Variants in CHIC1 observed in about 807,000 individuals in gnomAD.
CHIC1 encodes the protein cysteine rich hydrophobic domain 1.
Under a neutral mutation model 18.5 loss-of-function variants are expected in CHIC1, and 7 were observed. The ratio of observed to expected loss-of-function variants is 0.38; its 90% confidence interval spans 0.22 to 0.71. The LOEUF is 0.71. CHIC1 is among the 30% of genes least tolerant of loss of function. The pLI is 0.49. For missense variants in CHIC1, 159 were observed against 176.9 expected (o/e 0.90, Z 0.57); for synonymous variants, 77 against 73.5 (o/e 1.05, Z -0.25).
intron 3 of CHIC1, among the ~76,000 whole-genome samples, chrX:73,598,629 A>G (rs2057624458): frequency 9.3e-6 from 1 of 107,747 alleles, no homozygotes; most frequent in Non-Finnish European, 1.9e-5. Flanking sequence ...ATGCTTTCCA[A>G]TTTCATCCAT....
At chrX:73,605,090 A>G (rs917669216) in intron 3 of CHIC1, among the ~76,000 whole-genome samples, 2 of 108,060 alleles carry the variant, frequency 1.9e-5, no homozygotes, top group Non-Finnish European at 3.8e-5. Context: ...TCTAATATTG[A>G]CAGTGGGGTG....
chrX:73,642,295 T>C (rs1161916244), intron 3 of CHIC1, among the ~76,000 whole-genome samples: 1 of 111,491 alleles, frequency 9.0e-6, no homozygotes, highest in Non-Finnish European at 1.9e-5. Context: ...TTTCATGTGT[T>C]TTTTGGCTGC....
chrX:73,565,998 G>A (rs1421108233), intron 1 of CHIC1, among the ~76,000 whole-genome samples: 1 of 110,489 alleles, frequency 9.1e-6, no homozygotes, highest in Non-Finnish European at 1.9e-5. Flanking sequence ...CACATTGCCC[G>A]TGCTTTTCAT....
In CHIC1 at chrX:73,685,623, G is replaced by A. The variant is rs945594767; in HGVS notation, c.*4618G>A. ...CCTCACGTCCTCATTGTCGAAGTGG[G>A]GACAATAATCTGGACCTACCTCACA... On this transcript the variant is annotated 3_prime_UTR_variant, in exon 6 of 6. Coordinates refer to ENST00000373502, the MANE Select transcript of CHIC1 (RefSeq NM_001039840.4). 32 of 111,109 alleles carry A rather than the reference G, an allele frequency of 2.9e-4. No individual in the cohort carries two copies. The highest frequency in any genetic ancestry group is 1.0e-3 in the African/African-American group (31 of 30,680). 9.2% of individuals were successfully genotyped at this position (111,109 alleles called of 1,213,427 possible). A position where few individuals can be genotyped will look rare whatever the true frequency, so the allele number is the denominator to read the frequency against.
chrX:73,637,360 G>A (rs970731505), intron 3 of CHIC1, among the ~76,000 whole-genome samples: 1 of 107,203 alleles, frequency 9.3e-6, no homozygotes, highest in African/African-American at 3.4e-5. Context: ...GGTCTCTTTG[G>A]ATTTATCACA....
intron 3 of CHIC1, among the ~76,000 whole-genome samples, chrX:73,617,657 A>G (rs946726953): frequency 9.0e-6 from 1 of 111,536 alleles, no homozygotes; most frequent in Non-Finnish European, 1.9e-5. Flanking sequence ...ACCAAGCAAA[A>G]TGGATTTCCC....
chrX:73,579,442 A>G lies in CHIC1; in HGVS notation c.351+1981A>G, dbSNP rs2057515942. On this transcript the variant is annotated intron_variant, in intron 2 of 5. Coordinates refer to ENST00000373502, the MANE Select transcript of CHIC1 (RefSeq NM_001039840.4). ...TTTCACCCTGGTTGCTTTTCATTCT[A>G]CTCACTGGCTTTCAATTTTTCATTG... Among the ~76,000 whole-genome samples, 3 of 110,349 alleles carry G rather than the reference A, an allele frequency of 2.7e-5. No individual in the cohort carries two copies. The South Asian group carries it at 1.1e-3, about 41-fold the overall frequency.
intron 1 of CHIC1, among the ~76,000 whole-genome samples, chrX:73,571,994 G>A (rs1156473990): frequency 3.6e-5 from 4 of 109,677 alleles, no homozygotes; most frequent in East Asian, 2.9e-4. Context: ...GGATACATGC[G>A]CAGTTTTATT....
At chrX:73,604,410 A>T (rs2057668543) in intron 3 of CHIC1, among the ~76,000 whole-genome samples, 1 of 105,254 alleles carries the variant, frequency 9.5e-6, no homozygotes, top group Non-Finnish European at 1.9e-5. Context: ...TTTCTTTTTT[A>T]TTAGTCTGGC....
At chrX:73,658,738 A>T (rs771014649) in intron 3 of CHIC1, among the ~76,000 whole-genome samples, 2 of 111,406 alleles carry the variant, frequency 1.8e-5, no homozygotes, top group South Asian at 7.5e-4. Flanking sequence ...TGCTAACTTG[A>T]GGTCTTTCTA....
intron 1 of CHIC1, 29 bp from the exon 2 acceptor site, chrX:73,577,378 A>G (rs764383875): frequency 3.6e-6 from 4 of 1,121,939 alleles, no homozygotes; most frequent in East Asian, 3.0e-5. Context: ...GCTGGGTAGA[A>G]CATATTTTGT....
intron 1 of CHIC1, among the ~76,000 whole-genome samples, chrX:73,568,140 G>C (rs1020289973): frequency 9.0e-6 from 1 of 111,508 alleles, no homozygotes; most frequent in African/African-American, 3.3e-5. Context: ...ACTGGTTTCT[G>C]AGCATGGATG....
chrX:73,637,034 C>T (rs1222454193), intron 3 of CHIC1, among the ~76,000 whole-genome samples: 1 of 111,498 alleles, frequency 9.0e-6, no homozygotes, highest in East Asian at 2.8e-4. Flanking sequence ...TTTCTAGCAT[C>T]GTTTAGCATT....
intron 3 of CHIC1, among the ~76,000 whole-genome samples, chrX:73,646,853 T>G (rs1398946869): frequency 5.4e-5 from 6 of 110,499 alleles, no homozygotes; most frequent in Non-Finnish European, 1.1e-4. Flanking sequence ...TTTCAAAGTT[T>G]TATCCATAAA....
intron 3 of CHIC1, among the ~76,000 whole-genome samples, chrX:73,672,671 T>C (rs1414367977): frequency 8.9e-6 from 1 of 112,521 alleles, no homozygotes; most frequent in Non-Finnish European, 1.9e-5. Flanking sequence ...ATTAGCCCTT[T>C]GTCAGATGAG....
intron 3 of CHIC1, among the ~76,000 whole-genome samples, chrX:73,598,674 T>A (rs1039758748): frequency 2.7e-5 from 3 of 110,199 alleles, no homozygotes; most frequent in African/African-American, 9.9e-5. Context: ...TCATTTTTTA[T>A]GGCTGCATAG....
chrX:73,593,090 C>T (rs1980709720), intron 3 of CHIC1, among the ~76,000 whole-genome samples: 1 of 110,697 alleles, frequency 9.0e-6, no homozygotes, highest in Non-Finnish European at 1.9e-5. Context: ...TTTGGATCAT[C>T]TCTCAATTTT....
chrX:73,683,469 A>G lies in CHIC1; in HGVS notation c.*2464A>G, dbSNP rs995595424. 9.0e-6 allele frequency: 1 copy of G among 111,552 alleles called. No individual in the cohort carries two copies. The highest frequency in any genetic ancestry group is 9.6e-5 in the Admixed American group (1 of 10,456). The allele number at this position is 111,552 out of a possible 1,213,427, so 9.2% of individuals were successfully genotyped here. A position where few individuals can be genotyped will look rare whatever the true frequency, so the allele number is the denominator to read the frequency against. Reference sequence around the variant, plus strand: ...TGAAATTGGTTGCAGTGAATGCTAAAATGACACAGCACACTGGTGATTAAT... The same window carrying G: ...TGAAATTGGTTGCAGTGAATGCTAAGATGACACAGCACACTGGTGATTAAT... On this transcript the variant is annotated 3_prime_UTR_variant, in exon 6 of 6. Coordinates refer to ENST00000373502, the MANE Select transcript of CHIC1 (RefSeq NM_001039840.4).
intron 3 of CHIC1, among the ~76,000 whole-genome samples, chrX:73,660,421 G>A (rs1045953423): frequency 2.7e-5 from 3 of 112,053 alleles, no homozygotes; most frequent in African/African-American, 9.7e-5. Flanking sequence ...GAAGAAAGGC[G>A]GATGCAAGGT....
Sources: allele counts gnomAD v4.1 joint callset (sites outside exome capture counted in the v4.1 genomes callset), GRCh38; gene constraint gnomAD v4.1.1; transcripts MANE v1.5; gene names NCBI Gene and HGNC (gene_info 2026-07-23, HGNC 2026-07-21).